Variants in BCL2L14 observed in about 807,000 individuals in gnomAD.
BCL2L14 encodes BCL2 like 14.
BCL2L14 carries 27 observed loss-of-function variants against 35.3 expected under a neutral mutation model. The observed-to-expected ratio is 0.76, with a 90% CI of 0.56 to 1.05. The LOEUF (loss-of-function observed/expected upper bound fraction) is 1.05. Among genes scored for constraint, BCL2L14 ranks in the 50% least tolerant of loss-of-function variants. BCL2L14 has a pLI of 0.00. For synonymous variants in BCL2L14, 139 were observed against 145.9 expected, an observed-to-expected ratio of 0.95 and a Z score of 0.34; for missense variants, 377 against 382.6, an observed-to-expected ratio of 0.99 and a Z score of 0.12.
chr12:12,062,919 C>T (rs2909007), intron 2 of BCL2L14, among the ~76,000 whole-genome samples: 124,016 of 152,118 alleles, frequency 0.82, 50,640 homozygotes, highest in East Asian at 0.92. Context: ...TTTAAAAACA[C>T]ACCTCACCAA....
At chr12:12,098,517 A>G (rs1446023988) in intron 5 of BCL2L14, among the ~76,000 whole-genome samples, 1 of 152,168 alleles carries the variant, frequency 6.6e-6, no homozygotes, top group Non-Finnish European at 1.5e-5. Flanking sequence ...AGGCATGCCA[A>G]ACAAGCTACC....
chr12:12,089,740 G>A (rs1054591101), intron 3 of BCL2L14, among the ~76,000 whole-genome samples: 5 of 152,132 alleles, frequency 3.3e-5, no homozygotes, highest in African/African-American at 4.8e-5. Context: ...TACACCAACC[G>A]TGGCCACGTT....
At chr12:12,061,409 G>T (rs1948524170) in intron 2 of BCL2L14, among the ~76,000 whole-genome samples, 3 of 151,950 alleles carry the variant, frequency 2.0e-5, no homozygotes, top group African/African-American at 7.2e-5. Flanking sequence ...AAGGATTAAA[G>T]CCTGTTGTCA....
chr12:12,081,451 G>A (rs1403982758), intron 2 of BCL2L14, among the ~76,000 whole-genome samples: 2 of 128,214 alleles, frequency 1.6e-5, no homozygotes, highest in East Asian at 2.5e-4. Context: ...ATGAGACTCT[G>A]TCTCCAAAAA....
At chr12:12,080,062 G>A (rs1163167006) in intron 2 of BCL2L14, among the ~76,000 whole-genome samples, 2 of 152,052 alleles carry the variant, frequency 1.3e-5, no homozygotes, top group Non-Finnish European at 1.5e-5. Context: ...AAAATTAGCC[G>A]GGCGTGTTGG....
upstream of BCL2L14, among the ~76,000 whole-genome samples, chr12:12,068,601 A>G (rs1426471861): frequency 6.6e-6 from 1 of 151,910 alleles, no homozygotes; most frequent in Non-Finnish European, 1.5e-5. Flanking sequence ...GTCTCCAGTG[A>G]TCCTCCCACC....
chr12:12,095,686 G>T lies in BCL2L14; in HGVS notation c.945+756G>T, dbSNP rs1182179204. The T allele has an allele frequency of 3.0e-6, 3 of 985,256 alleles. No homozygotes were observed. In the African/African-American group the frequency reaches 5.2e-5, roughly 17 times the overall value. 61.0% of individuals were successfully genotyped at this position (985,256 alleles called of 1,614,324 possible). Reference sequence around the variant, plus strand: ...TCCTTAGTTCTCTTTCCACTAGAATGGTCCAGGGGCCAGCAGGAGGATTGA... The same window carrying T: ...TCCTTAGTTCTCTTTCCACTAGAATTGTCCAGGGGCCAGCAGGAGGATTGA... On this transcript the variant is annotated intron_variant, in intron 5 of 5. Coordinates refer to ENST00000308721, the MANE Select transcript of BCL2L14 (RefSeq NM_138723.2).
intron 1 of BCL2L14, among the ~76,000 whole-genome samples, chr12:12,073,450 T>C (rs1254150878): frequency 1.3e-5 from 2 of 152,222 alleles, no homozygotes; most frequent in Admixed American, 1.3e-4. Flanking sequence ...CTAAGTACTC[T>C]GTCTTGACTT....
intron 2 of BCL2L14, among the ~76,000 whole-genome samples, chr12:12,061,170 TCTGCTTCC>T (rs1948520255): frequency 6.7e-6 from 1 of 148,240 alleles, no homozygotes; most frequent in South Asian, 2.3e-4. Flanking sequence ...AACTAAATTA[TCTGCTTCC>T]CTGACTATTC....
chr12:12,076,258 G>T (rs747186292), intron 1 of BCL2L14, among the ~76,000 whole-genome samples: 1 of 151,924 alleles, frequency 6.6e-6, no homozygotes, highest in Non-Finnish European at 1.5e-5. Context: ...GAGCGGGAAG[G>T]GGTAAGTGGA....
chr12:12,088,665 C>T (rs1391226034), intron 3 of BCL2L14, among the ~76,000 whole-genome samples: 1 of 152,152 alleles, frequency 6.6e-6, no homozygotes, highest in Non-Finnish European at 1.5e-5. Flanking sequence ...TCACTATCTG[C>T]CTAAATCATT....
chr12:12,065,606 C>G (rs1318101996), intron 2 of BCL2L14, among the ~76,000 whole-genome samples: 4 of 150,722 alleles, frequency 2.7e-5, no homozygotes, highest in Non-Finnish European at 5.9e-5. Flanking sequence ...AGGTGGCAAA[C>G]TGTGGGAAGG....
At chr12:12,094,483 G>C in intron 4 of BCL2L14, 181 bp from the exon 5 acceptor site, 7 of 1,562,364 alleles carry the variant, frequency 4.5e-6, no homozygotes, top group Non-Finnish European at 6.2e-6. Context: ...AATTCACCGA[G>C]CAGTACATGC....
rs556771694 is a variant in BCL2L14 at position 12,058,928 on chromosome 12, C to T, written c.-272+7081C>T. 1.1e-4 allele frequency among the ~76,000 whole-genome samples: 16 copies of T among 152,346 alleles called. No homozygotes were observed. The East Asian group carries it at 2.1e-3, about 20-fold the overall frequency. On this transcript the variant is annotated intron_variant, in intron 2 of 3. Transcript: ENST00000461264. ...AGAAACATCTCACCAATTTCAAATC[C>T]AGTAAGCGGCCTCTTTTTACTCTCT...
intron 2 of BCL2L14, among the ~76,000 whole-genome samples, chr12:12,056,857 T>C (rs1047806026): frequency 1.3e-5 from 2 of 152,006 alleles, no homozygotes; most frequent in African/African-American, 4.8e-5. Flanking sequence ...CAAAACACAA[T>C]CAATAACAGA....
intron 2 of BCL2L14, among the ~76,000 whole-genome samples, chr12:12,062,220 T>C (rs1175565247): frequency 6.6e-6 from 1 of 151,114 alleles, no homozygotes; most frequent in Non-Finnish European, 1.5e-5. Flanking sequence ...CCATTGTTCC[T>C]GGCCCGGACT....
At position 12,099,034 on chromosome 12, in the gene BCL2L14, T is replaced by C. The variant is rs774913231; in HGVS notation, c.*46T>C. On this transcript the variant is annotated 3_prime_UTR_variant, in exon 6 of 6. Coordinates refer to ENST00000308721, the MANE Select transcript of BCL2L14 (RefSeq NM_138723.2). ...GAATACTCTTTGTCTACTGTGGTCC[T>C]GTGCACGTTGGCCTCAGATGGACTA... is the stretch of plus-strand genomic sequence containing the variant. 1 of 1,440,224 alleles carries C rather than the reference T, an allele frequency of 6.9e-7. No homozygotes were observed. Among genetic ancestry groups the C allele is most frequent in the Admixed American group, 1.7e-5 (1 of 59,584 alleles). The allele number at this position is 1,440,224 out of a possible 1,614,324, so 89.2% of individuals were successfully genotyped here. A position where few individuals can be genotyped will look rare whatever the true frequency, so the allele number is the denominator to read the frequency against.
chr12:12,097,012 C>T (rs1446324751), intron 5 of BCL2L14, among the ~76,000 whole-genome samples: 6 of 152,132 alleles, frequency 3.9e-5, no homozygotes, highest in African/African-American at 1.2e-4. Flanking sequence ...GGCATGGTGG[C>T]AGGTGCCTGT....
chr12:12,087,368 G>A lies in BCL2L14; in HGVS notation c.589G>A (p.Ala197Thr). 1 of 1,614,174 alleles carries A rather than the reference G, an allele frequency of 6.2e-7. No homozygotes were observed. The change falls in exon 3 of 6, where the codon GCT becomes ACT. Residue 197 changes from alanine to threonine, a missense_variant. Physicochemically the swap from Ala to Thr is moderately conservative, Grantham distance 58. Coordinates refer to ENST00000308721, the MANE Select transcript of BCL2L14 (RefSeq NM_138723.2). ...SFQLQGHVPV[A>T]SSSKKDEEEQ... ...CCAGCTCCAAGGCCACGTGCCTGTA[G>A]CTTCAAGTTCTAAGAAAGGTAAGCT...
Sources: gnomAD v4.1 joint callset for allele counts (sites outside exome capture counted in the v4.1 genomes callset) on GRCh38, gnomAD v4.1.1 for gene constraint, MANE v1.5 for transcripts, NCBI Gene and HGNC (gene_info 2026-07-23, HGNC 2026-07-21) for gene names.